The following SAMD12 variants were observed in gnomAD, a reference collection of about 807,000 sequenced individuals.
SAMD12 encodes sterile alpha motif domain containing 12.
In SAMD12, 9 loss-of-function variants were observed where a neutral mutation model predicts 15.0. That is an observed-to-expected ratio of 0.60 (90% confidence interval 0.36 to 1.05). The LOEUF (loss-of-function observed/expected upper bound fraction) is 1.05, where lower values mean the gene tolerates loss of function less well. SAMD12 is among the 50% of genes least tolerant of loss of function. The pLI is 0.01. For synonymous variants in SAMD12, 86 were observed against 90.1 expected (o/e 0.96, Z 0.25); for missense variants, 230 against 234.2 (o/e 0.98, Z 0.12).
rs1290556511 is a variant in SAMD12, at chr8:118,621,828, T to C, written c.-12A>G. The C allele has an allele frequency of 6.2e-7, 1 of 1,613,920 alleles. No homozygotes were observed. Among genetic ancestry groups the C allele is most frequent in the Non-Finnish European group, 8.5e-7 (1 of 1,179,938 alleles). On this transcript the variant is annotated 5_prime_UTR_variant, in exon 1 of 4. Transcript: ENST00000314727. ...CCTTCCACAGCCATTCTCTCAGAGCTTCCCTAACGCATGCATAATTTTCTT... is the reference window on the plus strand; with the variant it reads ...CCTTCCACAGCCATTCTCTCAGAGCCTCCCTAACGCATGCATAATTTTCTT...
intron 3 of SAMD12, 81 bp downstream of exon 3, chr8:118,439,751 T>C: frequency 8.1e-7 from 1 of 1,231,392 alleles, no homozygotes; most frequent in Non-Finnish European, 1.1e-6. Context: ...AAGATGTTGT[T>C]TCATGGTAAG....
intron 1 of SAMD12, among the ~76,000 whole-genome samples, chr8:118,593,630 T>C (rs1039284391): frequency 2.0e-5 from 3 of 152,212 alleles, no homozygotes; most frequent in African/African-American, 7.2e-5. Flanking sequence ...CATAAAGTCC[T>C]ATTGAATAGT....
chr8:118,418,992 C>T (rs1012169628), intron 3 of SAMD12, among the ~76,000 whole-genome samples: 7 of 152,134 alleles, frequency 4.6e-5, no homozygotes, highest in East Asian at 1.9e-4. Context: ...ATATCTTCCA[C>T]ATTAATAAGG....
At chr8:118,367,384 A>T (rs1453855106) in intron 4 of SAMD12, among the ~76,000 whole-genome samples, 1 of 152,218 alleles carries the variant, frequency 6.6e-6, no homozygotes, top group African/African-American at 2.4e-5. Context: ...TGAACACCGC[A>T]CATATTAGAC....
At chr8:118,330,942 C>G (rs917163800) in intron 4 of SAMD12, among the ~76,000 whole-genome samples, 1 of 151,878 alleles carries the variant, frequency 6.6e-6, no homozygotes, top group East Asian at 1.9e-4. Flanking sequence ...GAAATCTGCA[C>G]GTGTACCTGC....
intron 2 of SAMD12, among the ~76,000 whole-genome samples, chr8:118,446,282 A>C (rs76250404): frequency 0.018 from 2,736 of 151,764 alleles, 86 homozygotes; most frequent in African/African-American, 0.063. Context: ...AATATTATTA[A>C]TGGACTTTAA....
intron 2 of SAMD12, among the ~76,000 whole-genome samples, chr8:118,509,332 A>C (rs1190784310): frequency 6.6e-6 from 1 of 152,246 alleles, no homozygotes; most frequent in Non-Finnish European, 1.5e-5. Context: ...TGCCACATCT[A>C]AGTTGATTAA....
intron 2 of SAMD12, among the ~76,000 whole-genome samples, chr8:118,460,102 A>T (rs1823371680): frequency 6.6e-6 from 1 of 152,164 alleles, no homozygotes; most frequent in Non-Finnish European, 1.5e-5. Context: ...ATGGCCTCTG[A>T]TCTGTTCTGA....
At position 118,217,246 on chromosome 8, in the gene SAMD12, C is replaced by T. The variant is rs373043857; in HGVS notation, c.434-19514G>A. 5.3e-5 allele frequency among the ~76,000 whole-genome samples: 8 copies of T among 152,216 alleles called. No homozygotes were observed. The East Asian group carries it at 9.6e-4, about 18-fold the overall frequency. Reference sequence around the variant, plus strand: ...CTTGATCTCTTGACCTTGTGATCTGCCCGCCTCGGCCTCCCAAAGTGCTGG... The same window carrying T: ...CTTGATCTCTTGACCTTGTGATCTGTCCGCCTCGGCCTCCCAAAGTGCTGG... On this transcript the variant is annotated intron_variant, in intron 4 of 4. Coordinates refer to the SAMD12 transcript ENST00000409003.
chr8:118,495,554 C>CT (rs10671753), intron 2 of SAMD12, among the ~76,000 whole-genome samples: 28,539 of 145,066 alleles, frequency 0.2, 3,006 homozygotes, highest in East Asian at 0.44. Context: ...TTCATGTAGG[C>CT]TTTTTTTTTT....
At chr8:118,572,834 A>G (rs1461339910) in intron 2 of SAMD12, among the ~76,000 whole-genome samples, 2 of 151,942 alleles carry the variant, frequency 1.3e-5, no homozygotes, top group Non-Finnish European at 2.9e-5. Context: ...TTCCCCACCC[A>G]AAATCTCATC....
At chr8:118,232,350 G>A (rs1388180825) in intron 4 of SAMD12, among the ~76,000 whole-genome samples, 1 of 152,110 alleles carries the variant, frequency 6.6e-6, no homozygotes, top group Admixed American at 6.6e-5. Flanking sequence ...TTACCAGAAG[G>A]GGAGAGAGGA....
intron 4 of SAMD12, among the ~76,000 whole-genome samples, chr8:118,338,842 A>G (rs535477223): frequency 6.6e-6 from 1 of 152,344 alleles, no homozygotes; most frequent in South Asian, 2.1e-4. Flanking sequence ...GTTATTTAAC[A>G]TAAACAAATA....
intron 2 of SAMD12, among the ~76,000 whole-genome samples, chr8:118,524,836 C>A (rs1302979789): frequency 6.6e-6 from 1 of 152,172 alleles, no homozygotes; most frequent in African/African-American, 2.4e-5. Context: ...TATCTGCCCA[C>A]CTCCTACACT....
intron 4 of SAMD12, among the ~76,000 whole-genome samples, chr8:118,254,469 T>TA (rs1812888025): frequency 6.6e-6 from 1 of 152,158 alleles, no homozygotes; most frequent in Non-Finnish European, 1.5e-5. Flanking sequence ...TCTTAAGTCA[T>TA]ATCTCCTGTG....
chr8:118,282,597 T>C (rs935304602), intron 4 of SAMD12, among the ~76,000 whole-genome samples: 15 of 152,248 alleles, frequency 9.9e-5, no homozygotes, highest in Admixed American at 9.8e-4. Flanking sequence ...GTGGTGGTGG[T>C]GGTGGTTATT....
At chr8:118,616,454 C>CT (rs1828241836) in intron 1 of SAMD12, among the ~76,000 whole-genome samples, 1 of 152,166 alleles carries the variant, frequency 6.6e-6, no homozygotes, top group Admixed American at 6.5e-5. Flanking sequence ...GTTAGGAAAG[C>CT]ATAGGTGAGC....
At chr8:118,585,232 T>C (rs1771671031) in intron 1 of SAMD12, among the ~76,000 whole-genome samples, 1 of 152,164 alleles carries the variant, frequency 6.6e-6, no homozygotes. Context: ...CTTATATGAG[T>C]TAATCAAATC....
intron 4 of SAMD12, chr8:118,239,917 G>T (rs1035549516): frequency 2.0e-5 from 3 of 152,100 alleles, no homozygotes; most frequent in Non-Finnish European, 4.4e-5. Context: ...GAGGTAATTA[G>T]GCATGATCTT....
Sources: gnomAD v4.1 joint callset for allele counts (sites outside exome capture counted in the v4.1 genomes callset) on GRCh38, gnomAD v4.1.1 for gene constraint, MANE v1.5 for transcripts, NCBI Gene and HGNC (gene_info 2026-07-23, HGNC 2026-07-21) for gene names.